ANKRD27: variants seen among roughly 807,000 people sequenced by gnomAD.
ANKRD27 encodes the protein ankyrin repeat domain 27.
In ANKRD27, 112 loss-of-function variants were observed where a neutral mutation model predicts 129.7. That is an observed-to-expected ratio of 0.86 (90% CI 0.74 to 1.01). The LOEUF (loss-of-function observed/expected upper bound fraction) is 1.01, where lower values mean the gene tolerates loss of function less well. ANKRD27 is among the 50% of genes least tolerant of loss of function. The pLI is 0.00. For synonymous variants in ANKRD27, 516 were observed against 511.2 expected, an observed-to-expected ratio of 1.01 and a Z score of -0.13; for missense variants, 1,258 against 1,300.5, an observed-to-expected ratio of 0.97 and a Z score of 0.50.
intron 20 of ANKRD27, among the ~76,000 whole-genome samples, chr19:32,619,032 T>G (rs1568401721): frequency 6.6e-6 from 1 of 152,218 alleles, no homozygotes. Flanking sequence ...CACTAATTGC[T>G]GCTCAGGGAG....
At chr19:32,663,492 G>C (rs1599775629) in intron 1 of ANKRD27, among the ~76,000 whole-genome samples, 1 of 152,150 alleles carries the variant, frequency 6.6e-6, no homozygotes, top group Non-Finnish European at 1.5e-5. Flanking sequence ...CAATCCATCT[G>C]GATTTTTGTA....
intron 18 of ANKRD27, among the ~76,000 whole-genome samples, chr19:32,620,328 G>A (rs1207106964): frequency 6.6e-6 from 1 of 151,906 alleles, no homozygotes; most frequent in Non-Finnish European, 1.5e-5. Context: ...GGAGGCCTAG[G>A]TGGGCAGATC....
intron 12 of ANKRD27, chr19:32,638,419 C>T (rs1259618386): frequency 2.6e-5 from 4 of 152,258 alleles, no homozygotes; most frequent in Admixed American, 1.3e-4. Flanking sequence ...CTGCCTTGCT[C>T]ACCCTCCACT....
intron 22 of ANKRD27, 135 bp downstream of exon 22, chr19:32,615,523 G>A (rs1355128775): frequency 1.8e-5 from 26 of 1,414,792 alleles, no homozygotes; most frequent in Non-Finnish European, 2.4e-5. Flanking sequence ...GGTTGAGGCT[G>A]CAGTGGGTCA....
chr19:32,656,789 C>CAAAA (rs34410291), intron 2 of ANKRD27, among the ~76,000 whole-genome samples: 1 of 137,162 alleles, frequency 7.3e-6, no homozygotes, highest in African/African-American at 2.8e-5. Flanking sequence ...GACCTTATCT[C>CAAAA]AAAAAAAAAA....
intron 2 of ANKRD27, among the ~76,000 whole-genome samples, chr19:32,654,553 C>A (rs1033556399): frequency 6.6e-6 from 1 of 152,234 alleles, no homozygotes. Flanking sequence ...TCCCTCCTCA[C>A]ACGGACAAGA....
intron 21 of ANKRD27, among the ~76,000 whole-genome samples, chr19:32,616,352 A>C (rs1338750091): frequency 6.6e-6 from 1 of 152,130 alleles, no homozygotes; most frequent in Admixed American, 6.6e-5. Flanking sequence ...CAGGAGTTCA[A>C]GCCCAGCCTG....
rs909626756 is a variant in ANKRD27 at position 32,656,551 on chromosome 19, C to G, written c.102+2363G>C. Among the ~76,000 whole-genome samples the G allele has an allele frequency of 3.3e-5, 5 of 152,244 alleles. No homozygotes were observed. The East Asian group carries it at 9.6e-4, about 29-fold the overall frequency. Reference sequence around the variant, plus strand: ...CCTGTAATCCCAGCACTTTGGGAGGCTGAAGCAGGAGGATCACTTGAGGCC... The same window carrying G: ...CCTGTAATCCCAGCACTTTGGGAGGGTGAAGCAGGAGGATCACTTGAGGCC... On this transcript the variant is annotated intron_variant, in intron 2 of 28. Coordinates refer to ENST00000306065, the MANE Select transcript of ANKRD27 (RefSeq NM_032139.3).
At chr19:32,626,335 T>C (rs1972090050) in intron 16 of ANKRD27, among the ~76,000 whole-genome samples, 1 of 152,060 alleles carries the variant, frequency 6.6e-6, no homozygotes, top group Non-Finnish European at 1.5e-5. Flanking sequence ...GCCCAGATAA[T>C]TTTAAAAAAA....
rs1451459899 is a variant in ANKRD27, at chr19:32,627,991, C to T, written c.1420+92G>A. ...ATGCAGCCCCAACTGCCAACCCCCA[C>T]CCAGCCCATCAGCCAGGCCTCTCTG... On this transcript the variant is annotated intron_variant, in intron 15 of 28. Coordinates refer to ENST00000306065, the MANE Select transcript of ANKRD27 (RefSeq NM_032139.3). 39 of 1,210,002 alleles carry T rather than the reference C, an allele frequency of 3.2e-5. No individual in the cohort carries two copies. The South Asian group carries it at 4.5e-4, about 14-fold the overall frequency. The allele number at this position is 1,210,002 out of a possible 1,614,324, so 75.0% of individuals were successfully genotyped here.
chr19:32,674,462 T>C (rs1967938691), intron 1 of ANKRD27, among the ~76,000 whole-genome samples: 1 of 151,924 alleles, frequency 6.6e-6, no homozygotes, highest in South Asian at 2.1e-4. Flanking sequence ...GCTCGTGTGC[T>C]CCTGGGCAGT....
rs1967959422 is a variant in ANKRD27, at chr19:32,675,058, C to G, written c.-31+13G>C. The G allele has an allele frequency of 6.6e-6, 1 of 152,254 alleles. No homozygotes were observed. Among genetic ancestry groups the G allele is most frequent in the Admixed American group, 6.5e-5 (1 of 15,290 alleles). 9.4% of individuals were successfully genotyped at this position (152,254 alleles called of 1,614,324 possible). On this transcript the variant is annotated intron_variant, in intron 1 of 28. Coordinates refer to ENST00000306065, the MANE Select transcript of ANKRD27 (RefSeq NM_032139.3). ...GGGGAGGCGCAGGAGGAGGCCAGCG[C>G]GAGGACACTTACTTAAAAGGCTACA...
chr19:32,651,993 A>G (rs1323877663), intron 2 of ANKRD27, among the ~76,000 whole-genome samples: 1 of 152,180 alleles, frequency 6.6e-6, no homozygotes, highest in Non-Finnish European at 1.5e-5. Flanking sequence ...CCAGAAGCCA[A>G]CGCTGGGCTC....
At position 32,643,452 on chromosome 19, in the gene ANKRD27, G is replaced by A. The variant is rs763938602; in HGVS notation, c.618C>T (p.Asn206=). The change falls in exon 7 of 29, where the codon AAC becomes AAT. Residue 206 remains asparagine, a synonymous_variant. Coordinates refer to ENST00000306065, the MANE Select transcript of ANKRD27 (RefSeq NM_032139.3). ...TCACCTCCACTGCCTGCTTCATCAG[G>A]TTCATCTGGGCCTCCTGCTTGGCGA... The part of the protein sequence containing the change: ...KMLAKQEAQM[N]LMKQAVEIYV... 8 of 1,613,752 alleles carry A rather than the reference G, an allele frequency of 5.0e-6. No homozygotes were observed. Among genetic ancestry groups the A allele is most frequent in the Non-Finnish European group, 5.9e-6 (7 of 1,179,978 alleles).
chr19:32,653,155 C>A (rs192465139), intron 2 of ANKRD27, among the ~76,000 whole-genome samples: 1 of 152,084 alleles, frequency 6.6e-6, no homozygotes, highest in African/African-American at 2.4e-5. Flanking sequence ...AAACCTGGCA[C>A]GGTGCCTGGC....
At chr19:32,625,745 T>G in intron 17 of ANKRD27, 129 bp downstream of exon 17, 1 of 779,886 alleles carries the variant, frequency 1.3e-6, no homozygotes, top group South Asian at 2.3e-5. Flanking sequence ...CATTCTTTCA[T>G]ATTAAAAAAA....
chr19:32,654,367 A>C (rs1157802984), intron 2 of ANKRD27, among the ~76,000 whole-genome samples: 1 of 152,252 alleles, frequency 6.6e-6, no homozygotes, highest in African/African-American at 2.4e-5. Flanking sequence ...AAGTTGGTAC[A>C]ATGTCCAAAC....
intron 11 of ANKRD27, 27 bp downstream of exon 11, chr19:32,640,278 CAA>C (rs1967172640): frequency 6.3e-7 from 1 of 1,599,596 alleles, no homozygotes; most frequent in Non-Finnish European, 8.6e-7. Flanking sequence ...CTGCCATTTT[CAA>C]AAGAGTATCT....
At chr19:32,618,451 G>GAAA (rs55674756) in intron 20 of ANKRD27, among the ~76,000 whole-genome samples, 2 of 100,322 alleles carry the variant, frequency 2.0e-5, no homozygotes, top group African/African-American at 3.9e-5. Context: ...GTCCCAAAAA[G>GAAA]AAAAAAAAAA....
Sources: allele counts gnomAD v4.1 joint callset (sites outside exome capture counted in the v4.1 genomes callset), GRCh38; gene constraint gnomAD v4.1.1; transcripts MANE v1.5; gene names NCBI Gene and HGNC (gene_info 2026-07-23, HGNC 2026-07-21).